TENM2: variants seen among roughly 807,000 people sequenced by gnomAD.
TENM2 encodes the protein teneurin-2.
A neutral mutation model predicts 245.2 loss-of-function variants in TENM2; 52 were observed. That is an observed-to-expected ratio of 0.21 (90% CI 0.17 to 0.27). The LOEUF is 0.27. Among genes scored for constraint, TENM2 ranks in the 10% least tolerant of loss-of-function variants. The probability of loss-of-function intolerance (pLI) is 1.00; values close to 1 mark genes in which losing one functional copy is unlikely to be tolerated. For missense variants in TENM2, 3,046 were observed against 3,666.8 expected, an observed-to-expected ratio of 0.83 and a Z score of 4.37; for synonymous variants, 1,363 against 1,438.9, an observed-to-expected ratio of 0.95 and a Z score of 1.19.
At chr5:167,925,735 A>T (rs894171977) in intron 3 of TENM2, among the ~76,000 whole-genome samples, 35 of 152,256 alleles carry the variant, frequency 2.3e-4, no homozygotes, top group African/African-American at 8.4e-4. Flanking sequence ...TTGGATTTTT[A>T]AAATGTGGTA....
intron 2 of TENM2, among the ~76,000 whole-genome samples, chr5:167,827,633 G>GA (rs1373910719): frequency 8.3e-6 from 1 of 120,030 alleles, no homozygotes; most frequent in Non-Finnish European, 1.7e-5. Flanking sequence ...GTGGGCGGGG[G>GA]GGGGGGAACA....
chr5:167,415,078 C>T (rs879797341), intron 2 of TENM2, among the ~76,000 whole-genome samples: 6 of 152,090 alleles, frequency 3.9e-5, no homozygotes, highest in Non-Finnish European at 8.8e-5. Flanking sequence ...AAGAATTTTG[C>T]CAGGACTCAG....
intron 9 of TENM2, among the ~76,000 whole-genome samples, chr5:168,111,787 G>A (rs1013743486): frequency 6.6e-6 from 1 of 152,016 alleles, no homozygotes; most frequent in Non-Finnish European, 1.5e-5. Context: ...TTTTTTCCCC[G>A]ATCAGATAAG....
the TENM2 span, among the ~76,000 whole-genome samples, chr5:167,113,580 T>G: frequency 2.0e-5 from 3 of 151,456 alleles, no homozygotes; most frequent in African/African-American, 7.3e-5. Context: ...GAGGCTGACA[T>G]TGCTGTGAGC....
chr5:168,252,393 C>T (rs1767198142), intron 27 of TENM2, among the ~76,000 whole-genome samples: 1 of 150,032 alleles, frequency 6.7e-6, no homozygotes, highest in African/African-American at 2.4e-5. Context: ...GACTGGGAGA[C>T]TACCTCCCAA....
intron 3 of TENM2, among the ~76,000 whole-genome samples, chr5:167,941,572 G>A (rs957470397): frequency 1.3e-5 from 2 of 151,806 alleles, no homozygotes; most frequent in Non-Finnish European, 2.9e-5. Context: ...CTGGCTGGGT[G>A]TAGTGGCTCT....
At chr5:167,109,191 A>G in the TENM2 span, among the ~76,000 whole-genome samples, 1 of 152,104 alleles carries the variant, frequency 6.6e-6, no homozygotes, top group Admixed American at 6.6e-5. Flanking sequence ...TAATACAGCT[A>G]GACCTTATGG....
At chr5:168,180,542 C>G (rs1759775713) in intron 13 of TENM2, among the ~76,000 whole-genome samples, 1 of 152,172 alleles carries the variant, frequency 6.6e-6, no homozygotes, top group Non-Finnish European at 1.5e-5. Flanking sequence ...CTCAGTCACT[C>G]AGAACAGAGG....
At chr5:166,983,491 G>T in the TENM2 span, among the ~76,000 whole-genome samples, 1 of 152,106 alleles carries the variant, frequency 6.6e-6, no homozygotes, top group South Asian at 2.1e-4. Flanking sequence ...AGTGAAAAGA[G>T]AGCAGGTGTT....
At chr5:167,482,565 A>G (rs10036116) in intron 2 of TENM2, among the ~76,000 whole-genome samples, 2,092 of 152,272 alleles carry the variant, frequency 0.014, 58 homozygotes, top group African/African-American at 0.048. Context: ...GAAGTTGGAT[A>G]ACACGCCCTA....
chr5:167,579,673 G>A (rs7727960), intron 2 of TENM2, among the ~76,000 whole-genome samples: 4,278 of 152,272 alleles, frequency 0.028, 141 homozygotes, highest in East Asian at 0.074. Context: ...TGTGAGTGTG[G>A]AGAATTCTTA....
chr5:168,191,811 G>A (rs374694168), intron 14 of TENM2, among the ~76,000 whole-genome samples: 14 of 152,034 alleles, frequency 9.2e-5, no homozygotes, highest in Non-Finnish European at 1.5e-4. Flanking sequence ...GTCCCCAACC[G>A]AGACAGCCCA....
At chr5:167,384,472 T>C (rs1761294012) in intron 2 of TENM2, among the ~76,000 whole-genome samples, 3 of 152,108 alleles carry the variant, frequency 2.0e-5, no homozygotes, top group Non-Finnish European at 2.9e-5. Context: ...TAGAAAAAAT[T>C]CCAACTCCAG....
intron 2 of TENM2, among the ~76,000 whole-genome samples, chr5:167,543,699 T>G (rs913863323): frequency 1.4e-4 from 22 of 152,342 alleles, no homozygotes; most frequent in African/African-American, 4.6e-4. Context: ...AGTTTGACCA[T>G]GTGCCCTTTG....
chr5:168,028,509 C>T (rs1010147384), intron 5 of TENM2, among the ~76,000 whole-genome samples: 1 of 152,174 alleles, frequency 6.6e-6, no homozygotes, highest in African/African-American at 2.4e-5. Context: ...GTGTAGTGGA[C>T]ACCAAATGAA....
At chr5:167,247,522 A>T in the TENM2 span, among the ~76,000 whole-genome samples, 2 of 152,188 alleles carry the variant, frequency 1.3e-5, no homozygotes, top group African/African-American at 4.8e-5. Context: ...GGAGGAAAAA[A>T]AAATAAATGA....
intron 28 of TENM2, 80 bp from the exon 31 acceptor site, chr5:168,261,969 A>G: frequency 7.0e-7 from 1 of 1,421,938 alleles, no homozygotes; most frequent in Admixed American, 2.0e-5. Context: ...GGAGAGTTCC[A>G]AGCCTTTCTC....
the TENM2 span, among the ~76,000 whole-genome samples, chr5:167,002,504 T>C: frequency 5.0e-4 from 76 of 152,120 alleles, no homozygotes; most frequent in African/African-American, 1.7e-3. Flanking sequence ...ATTCAAAATC[T>C]GTTAATAATT....
At chr5:167,124,702 A>G in the TENM2 span, among the ~76,000 whole-genome samples, 1 of 152,348 alleles carries the variant, frequency 6.6e-6, no homozygotes, top group Admixed American at 6.5e-5. Flanking sequence ...CTTGTAATCT[A>G]GTAAGGTGGT....
Sources: gnomAD v4.1 joint callset for allele counts (sites outside exome capture counted in the v4.1 genomes callset) on GRCh38, gnomAD v4.1.1 for gene constraint, MANE v1.5 for transcripts, NCBI Gene and HGNC (gene_info 2026-07-23, HGNC 2026-07-21) for gene names.